The following OR2L13 variants were observed in gnomAD, a reference collection of about 807,000 sequenced individuals.
OR2L13 encodes the protein olfactory receptor 2L13.
In OR2L13, 14 loss-of-function variants were observed where a neutral mutation model predicts 15.3. The observed-to-expected ratio is 0.91, with a 90% CI of 0.60 to 1.43. The LOEUF (loss-of-function observed/expected upper bound fraction) is 1.43, where lower values mean the gene tolerates loss of function less well. OR2L13 is among the 40% of genes most tolerant of loss of function. OR2L13 has a pLI of 0.00. For missense variants in OR2L13, 367 were observed against 387.9 expected, an observed-to-expected ratio of 0.95 and a Z score of 0.45; for synonymous variants, 152 against 142.9, an observed-to-expected ratio of 1.06 and a Z score of -0.45.
chr1:247,976,585 ACAT>A, the OR2L13 span, among the ~76,000 whole-genome samples: 1 of 152,204 alleles, frequency 6.6e-6, no homozygotes, highest in Non-Finnish European at 1.5e-5. Context: ...TGGATGTCAA[ACAT>A]CATGTTGTAC....
the OR2L13 span, chr1:248,039,008 G>A: frequency 9.3e-6 from 15 of 1,613,950 alleles, no homozygotes; most frequent in Admixed American, 2.3e-4. Flanking sequence ...TCACTGTAGT[G>A]TCCTTCTACT....
At chr1:247,950,634 A>G in the OR2L13 span, among the ~76,000 whole-genome samples, 1 of 152,188 alleles carries the variant, frequency 6.6e-6, no homozygotes, top group South Asian at 2.1e-4. Flanking sequence ...GATATCATTT[A>G]ACTATGTCAG....
the OR2L13 span, among the ~76,000 whole-genome samples, chr1:248,006,240 GAT>G: frequency 1.7e-4 from 23 of 132,614 alleles, 1 homozygote; most frequent in Admixed American, 2.3e-4. Context: ...AATATTGCAA[GAT>G]ATGTGTGTGT....
At chr1:247,986,383 G>T in the OR2L13 span, among the ~76,000 whole-genome samples, 1 of 152,108 alleles carries the variant, frequency 6.6e-6, no homozygotes, top group Non-Finnish European at 1.5e-5. Flanking sequence ...TTTCCCCATT[G>T]CTTGTTTTTG....
At chr1:248,025,426 A>C in the OR2L13 span, among the ~76,000 whole-genome samples, 1 of 149,080 alleles carries the variant, frequency 6.7e-6, no homozygotes, top group Non-Finnish European at 1.5e-5. Flanking sequence ...TTAGAATGGC[A>C]ATCATTAAAA....
the OR2L13 span, chr1:247,949,295 G>A: frequency 3.0e-5 from 49 of 1,613,810 alleles, 1 homozygote; most frequent in South Asian, 2.7e-4. Context: ...TGATAACAGG[G>A]TCTTGGATCA....
At chr1:248,014,882 T>C in the OR2L13 span, among the ~76,000 whole-genome samples, 1 of 152,146 alleles carries the variant, frequency 6.6e-6, no homozygotes, top group Admixed American at 6.6e-5. Flanking sequence ...CATTTGGTAT[T>C]AAACCGAGTC....
At chr1:247,982,571 G>C in the OR2L13 span, among the ~76,000 whole-genome samples, 5,917 of 152,240 alleles carry the variant, frequency 0.039, 355 homozygotes, top group African/African-American at 0.13. Flanking sequence ...TGAATATGTA[G>C]ATCCTCAACT....
At chr1:248,000,121 T>TG in the OR2L13 span, among the ~76,000 whole-genome samples, 16 of 150,504 alleles carry the variant, frequency 1.1e-4, no homozygotes, top group African/African-American at 3.0e-4. Flanking sequence ...TTTTTTTTTT[T>TG]TGGTGTGTGT....
the OR2L13 span, among the ~76,000 whole-genome samples, chr1:247,999,908 A>C: frequency 6.6e-6 from 1 of 152,116 alleles, no homozygotes; most frequent in Admixed American, 6.5e-5. Flanking sequence ...TAGGGAGATC[A>C]CTTTCTGGAA....
the OR2L13 span, among the ~76,000 whole-genome samples, chr1:248,018,355 T>G: frequency 6.6e-6 from 1 of 152,178 alleles, no homozygotes; most frequent in African/African-American, 2.4e-5. Flanking sequence ...TAGAAATGTT[T>G]GGAATGTTGT....
the OR2L13 span, among the ~76,000 whole-genome samples, chr1:247,984,179 T>G: frequency 0.27 from 40,476 of 151,556 alleles, 9,310 homozygotes; most frequent in African/African-American, 0.63. Flanking sequence ...GGATATATTT[T>G]TATTCCTAAC....
chr1:247,960,994 G>T, the OR2L13 span, among the ~76,000 whole-genome samples: 3 of 152,148 alleles, frequency 2.0e-5, no homozygotes, highest in Non-Finnish European at 2.9e-5. Flanking sequence ...CGGTACCTCA[G>T]TTGGAAATGC....
chr1:247,985,157 T>C, the OR2L13 span, among the ~76,000 whole-genome samples: 113 of 152,224 alleles, frequency 7.4e-4, no homozygotes, highest in Non-Finnish European at 1.4e-3. Flanking sequence ...AATGTGCAGG[T>C]TAGTTACATA....
chr1:248,057,895 ATAAT>A, the OR2L13 span, among the ~76,000 whole-genome samples: 1 of 152,192 alleles, frequency 6.6e-6, no homozygotes, highest in African/African-American at 2.4e-5. Flanking sequence ...TTCTACATAT[ATAAT>A]TATGTCATAT....
At chr1:248,068,191 TCCTCAAGTGGGTCCCTGACC>T in the OR2L13 span, among the ~76,000 whole-genome samples, 7 of 152,136 alleles carry the variant, frequency 4.6e-5, no homozygotes, top group African/African-American at 1.7e-4. Context: ...GCAGACTGCC[TCCTCAAGTGGGTCCCTGACC>T]CCTGACCCCT....
the OR2L13 span, among the ~76,000 whole-genome samples, chr1:248,056,536 G>A: frequency 1.3e-5 from 2 of 152,098 alleles, no homozygotes; most frequent in East Asian, 3.8e-4. Flanking sequence ...GCATCCCGGA[G>A]ATTCTGATGA....
the OR2L13 span, among the ~76,000 whole-genome samples, chr1:248,060,386 A>G: frequency 2.2e-4 from 33 of 152,330 alleles, no homozygotes; most frequent in South Asian, 5.4e-3. Flanking sequence ...ACAATAAAAC[A>G]TTTTGAGAGA....
At chr1:248,069,271 A>G in the OR2L13 span, among the ~76,000 whole-genome samples, 1,770 of 152,324 alleles carry the variant, frequency 0.012, 18 homozygotes, top group South Asian at 0.036. Flanking sequence ...CTAACAGTGG[A>G]TCTCTCAGCA....
Sources: allele counts gnomAD v4.1 joint callset (sites outside exome capture counted in the v4.1 genomes callset), GRCh38; gene constraint gnomAD v4.1.1; transcripts MANE v1.5; gene names NCBI Gene and HGNC (gene_info 2026-07-23, HGNC 2026-07-21).